The following PLEKHA7 variants were observed in gnomAD, a reference collection of about 807,000 sequenced individuals.
PLEKHA7 encodes pleckstrin homology domain-containing family A member 7.
PLEKHA7 carries 104 observed loss-of-function variants against 170.0 expected under a neutral mutation model. The observed-to-expected ratio is 0.61, with a 90% CI of 0.52 to 0.72. The LOEUF (loss-of-function observed/expected upper bound fraction) is 0.72, where lower values mean the gene tolerates loss of function less well. Ranked by LOEUF, PLEKHA7 falls within the 30% of genes least tolerant of loss-of-function variation. The probability of loss-of-function intolerance (pLI) is 0.00; values close to 1 mark genes in which losing one functional copy is unlikely to be tolerated. For synonymous variants in PLEKHA7, 648 were observed against 660.8 expected (o/e 0.98, Z 0.30); for missense variants, 1,615 against 1,671.7 (o/e 0.97, Z 0.59).
intron 3 of PLEKHA7, among the ~76,000 whole-genome samples, chr11:16,957,689 A>ATATTTTTTTTT (rs1420004461): frequency 1.7e-5 from 2 of 118,226 alleles, no homozygotes; most frequent in African/African-American, 3.3e-5. Context: ...TACCTCAATA[A>ATATTTTTTTTT]TTTTTTTCTT....
At chr11:16,985,806 C>G (rs1303240218) in intron 3 of PLEKHA7, among the ~76,000 whole-genome samples, 1 of 152,252 alleles carries the variant, frequency 6.6e-6, no homozygotes, top group Non-Finnish European at 1.5e-5. Flanking sequence ...TGCTAGCATG[C>G]AAGCTCCATG....
At chr11:16,779,825 C>T (rs763457594) in intron 26 of PLEKHA7, among the ~76,000 whole-genome samples, 1 of 152,160 alleles carries the variant, frequency 6.6e-6, no homozygotes, top group Admixed American at 6.5e-5. Context: ...TAGAGCTGCT[C>T]GGGGCGGCCC....
At chr11:16,969,977 G>A (rs951247735) in intron 3 of PLEKHA7, among the ~76,000 whole-genome samples, 2 of 152,278 alleles carry the variant, frequency 1.3e-5, no homozygotes, top group Admixed American at 6.5e-5. Context: ...CAAAGACAAC[G>A]AGTAAACTAA....
chr11:16,801,834 CA>C lies in PLEKHA7; in HGVS notation c.2158-18del. ...TAGCTGGTCCTGCACCACGAAGGGC[CA>C]AAAAACAGCAGGATAGGAGGACAGT... On this transcript the variant is annotated intron_variant, in intron 15 of 26. Transcript: ENST00000531066. 2 of 1,612,258 alleles carry C rather than the reference CA, an allele frequency of 1.2e-6. No homozygotes were observed.
intron 18 of PLEKHA7, 81 bp from the exon 19 acceptor site, chr11:16,794,795 C>T (rs1291884079): frequency 2.0e-6 from 3 of 1,538,158 alleles, no homozygotes; most frequent in Non-Finnish European, 2.7e-6. Flanking sequence ...AATTTAGCAC[C>T]TCGAAGACTC....
At chr11:16,844,191 A>G (rs1176464592) in intron 8 of PLEKHA7, among the ~76,000 whole-genome samples, 1 of 152,214 alleles carries the variant, frequency 6.6e-6, no homozygotes, top group Non-Finnish European at 1.5e-5. Flanking sequence ...TCATGGAGCC[A>G]GCCTTGTCCA....
rs77191860 is a variant in PLEKHA7, at chr11:16,940,044, G to A, written c.222-68862C>T. 8.2e-3 allele frequency among the ~76,000 whole-genome samples: 1,249 copies of A among 152,230 alleles called. 19 individuals are homozygous for A. Among genetic ancestry groups the A allele is most frequent in the African/African-American group, 0.028 (1,165 of 41,528 alleles). ...CCAAAGCCAGGGCCACTGGTGCTGG[G>A]GGCAAGAAGGGTTAGCTGTGTGGAT... On this transcript the variant is annotated intron_variant, in intron 3 of 26. Transcript: ENST00000531066.
At chr11:16,854,819 G>A in intron 6 of PLEKHA7, 70 bp downstream of exon 6, 1 of 1,383,900 alleles carries the variant, frequency 7.2e-7, no homozygotes, top group East Asian at 2.3e-5. Context: ...CTAGCTTCCT[G>A]GTGCCTGGGA....
chr11:16,874,503 C>T (rs1855130419), intron 3 of PLEKHA7, among the ~76,000 whole-genome samples: 1 of 152,094 alleles, frequency 6.6e-6, no homozygotes, highest in African/African-American at 2.4e-5. Context: ...GAGGCTCTGT[C>T]CCAAAAACAA....
chr11:16,861,182 G>A (rs927285951), intron 4 of PLEKHA7, among the ~76,000 whole-genome samples: 1 of 152,064 alleles, frequency 6.6e-6, no homozygotes, highest in Admixed American at 6.6e-5. Flanking sequence ...GTAATTCTGT[G>A]TCTGGAGGAC....
At chr11:16,788,271 G>C (rs1417310755) in intron 23 of PLEKHA7, 1 of 152,426 alleles carries the variant, frequency 6.6e-6, no homozygotes, top group African/African-American at 2.4e-5. Context: ...ACACTCAACA[G>C]GCTATGGAGA....
chr11:16,847,090 CTTTTTTT>C (rs59132787), intron 8 of PLEKHA7, among the ~76,000 whole-genome samples: 2,974 of 70,660 alleles, frequency 0.042, 80 homozygotes, highest in African/African-American at 0.15. Flanking sequence ...TTTTTTTTTT[CTTTTTTT>C]TTTTTTTTTT....
intron 3 of PLEKHA7, among the ~76,000 whole-genome samples, chr11:16,930,439 T>G (rs1229141195): frequency 1.3e-5 from 2 of 152,112 alleles, no homozygotes; most frequent in Non-Finnish European, 2.9e-5. Context: ...GAGAAAGACC[T>G]TGTCTCAAAA....
At chr11:16,997,030 A>G (rs982898375) in intron 3 of PLEKHA7, among the ~76,000 whole-genome samples, 1 of 152,200 alleles carries the variant, frequency 6.6e-6, no homozygotes, top group Admixed American at 6.5e-5. Flanking sequence ...ACCAGGCCCA[A>G]GCAAGCCCTT....
At chr11:16,983,690 G>A (rs1233334726) in intron 3 of PLEKHA7, among the ~76,000 whole-genome samples, 1 of 152,192 alleles carries the variant, frequency 6.6e-6, no homozygotes, top group African/African-American at 2.4e-5. Flanking sequence ...CTAAACAGAA[G>A]ATCCAGGCAG....
Position 16,823,009 on chromosome 11 carries a change from T to TTTA in PLEKHA7, c.1343+3110_1343+3111insTAA, listed in dbSNP as rs1564963570. ...TATTTATTTATTTATTTATTTATTT[T>TTTA]TTGGAGACAGGTTTTTGCTCTATCA... is the stretch of plus-strand genomic sequence containing the variant. On this transcript the variant is annotated intron_variant, in intron 10 of 26. Transcript: ENST00000531066. Among the ~76,000 whole-genome samples the TTTA allele has an allele frequency of 4.0e-5, 5 of 124,172 alleles. No individual in the cohort carries two copies. In the East Asian group the frequency reaches 9.6e-4, roughly 24 times the overall value. The allele number at this position is 124,172 out of a possible 152,430, so 81.5% of individuals were successfully genotyped here.
intron 10 of PLEKHA7, among the ~76,000 whole-genome samples, chr11:16,821,549 C>A (rs1416580599): frequency 6.6e-6 from 1 of 152,172 alleles, no homozygotes. Flanking sequence ...GTTCAAATAA[C>A]CTTCCTCCCA....
intron 3 of PLEKHA7, among the ~76,000 whole-genome samples, chr11:16,890,861 A>G (rs1410311641): frequency 6.6e-6 from 1 of 152,116 alleles, no homozygotes; most frequent in Non-Finnish European, 1.5e-5. Flanking sequence ...ATATATATAT[A>G]TGTATTGCTT....
intron 26 of PLEKHA7, chr11:16,781,121 C>A: frequency 3.1e-6 from 2 of 653,082 alleles, no homozygotes; most frequent in Non-Finnish European, 3.8e-6. Flanking sequence ...ACCAGATGCC[C>A]CATTTGGCAG....
Sources: gnomAD v4.1 joint callset for allele counts (sites outside exome capture counted in the v4.1 genomes callset) on GRCh38, gnomAD v4.1.1 for gene constraint, MANE v1.5 for transcripts, NCBI Gene and HGNC (gene_info 2026-07-23, HGNC 2026-07-21) for gene names.